Variants in WDR25 observed in about 807,000 individuals in gnomAD.
WDR25 encodes WD repeat-containing protein 25.
WDR25 carries 35 observed loss-of-function variants against 47.7 expected under a neutral mutation model. The observed-to-expected ratio is 0.73, with a 90% confidence interval of 0.56 to 0.97. The LOEUF is 0.97. Among genes scored for constraint, WDR25 ranks in the 50% least tolerant of loss-of-function variants. WDR25 has a pLI of 0.00. For synonymous variants in WDR25, 248 were observed against 278.9 expected (o/e 0.89, Z 1.10); for missense variants, 634 against 704.7 (o/e 0.90, Z 1.14).
At chr14:100,414,974 T>G (rs1595515896) in intron 2 of WDR25, among the ~76,000 whole-genome samples, 8 of 140,266 alleles carry the variant, frequency 5.7e-5, no homozygotes, top group African/African-American at 8.0e-5. Context: ...GGGGCTGGGG[T>G]GAGAGCAGGG....
chr14:100,447,423 G>A (rs113088443), intron 2 of WDR25, among the ~76,000 whole-genome samples: 2,019 of 152,350 alleles, frequency 0.013, 34 homozygotes, highest in African/African-American at 0.043. Context: ...AGGCGTGGGC[G>A]TGCCAGCCTT....
intron 2 of WDR25, among the ~76,000 whole-genome samples, chr14:100,406,432 G>A (rs781717966): frequency 3.9e-5 from 6 of 152,162 alleles, no homozygotes; most frequent in Non-Finnish European, 7.4e-5. Flanking sequence ...TCACTTTTAG[G>A]CATTTTATCT....
chr14:100,446,074 CT>C (rs1184780642), intron 2 of WDR25, among the ~76,000 whole-genome samples: 1 of 152,210 alleles, frequency 6.6e-6, no homozygotes, highest in African/African-American at 2.4e-5. Flanking sequence ...ATTATACCCC[CT>C]GACTGTTTCA....
At chr14:100,482,702 C>G (rs1216118921) in intron 3 of WDR25, among the ~76,000 whole-genome samples, 2 of 152,154 alleles carry the variant, frequency 1.3e-5, no homozygotes, top group Non-Finnish European at 2.9e-5. Context: ...GTGGGGGTCA[C>G]AGAACACAAA....
intron 3 of WDR25, among the ~76,000 whole-genome samples, chr14:100,480,460 A>G (rs1202447369): frequency 6.6e-6 from 1 of 152,122 alleles, no homozygotes; most frequent in Admixed American, 6.6e-5. Flanking sequence ...GGCCCCTAGA[A>G]GATACTAGAA....
intron 2 of WDR25, among the ~76,000 whole-genome samples, chr14:100,385,848 G>GCC (rs34610862): frequency 0.18 from 27,772 of 151,984 alleles, 2,680 homozygotes; most frequent in Non-Finnish European, 0.21. Context: ...AGACTTTGAT[G>GCC]CCTTTTTTTG....
In WDR25 at chr14:100,525,369, T is replaced by C. The variant is rs2030070031; in HGVS notation, c.1102-501T>C. On this transcript the variant is annotated intron_variant, in intron 4 of 6. Transcript: ENST00000402312. The surrounding 1 kb of genome is among the most constrained non-coding windows in gnomAD (Gnocchi z 4.6). The stretch of plus-strand genomic sequence containing the variant: ...AAACAATACAAAGTGTCGTTAAAGC[T>C]AAAATATGTCCTGTGATTCTGGCTT... Among the ~76,000 whole-genome samples, 1 of 152,238 alleles carries C rather than the reference T, an allele frequency of 6.6e-6. No homozygotes were observed. Among genetic ancestry groups the C allele is most frequent in the Admixed American group, 6.5e-5 (1 of 15,282 alleles).
At chr14:100,376,529 G>A (rs1896678368) in intron 1 of WDR25, 34 bp downstream of exon 1, 12 of 1,231,862 alleles carry the variant, frequency 9.7e-6, no homozygotes, top group East Asian at 6.3e-5. Context: ...CCGGGCTGGA[G>A]GGGCCGGGAC....
At chr14:100,481,696 C>T (rs1225101389) in intron 3 of WDR25, among the ~76,000 whole-genome samples, 1 of 151,922 alleles carries the variant, frequency 6.6e-6, no homozygotes. Flanking sequence ...AGAATTGTTT[C>T]CTAAAGAAAA....
intron 2 of WDR25, among the ~76,000 whole-genome samples, chr14:100,402,986 T>C (rs568787217): frequency 6.6e-6 from 1 of 152,246 alleles, no homozygotes; most frequent in East Asian, 1.9e-4. Flanking sequence ...ACAGCTGAGC[T>C]TCATTACGTT....
chr14:100,507,160 G>A (rs1265746814), intron 4 of WDR25, among the ~76,000 whole-genome samples: 1 of 152,180 alleles, frequency 6.6e-6, no homozygotes, highest in East Asian at 1.9e-4. Flanking sequence ...ATTGCAAAGG[G>A]AATCTTTTCC....
At chr14:100,413,764 T>C (rs1897784790) in intron 2 of WDR25, among the ~76,000 whole-genome samples, 1 of 152,158 alleles carries the variant, frequency 6.6e-6, no homozygotes, top group Non-Finnish European at 1.5e-5. Context: ...ACCAACCCAA[T>C]AGTTTTTCCT....
In WDR25 at chr14:100,525,014, C is replaced by T. The variant is rs1240278563; in HGVS notation, c.1102-856C>T. Among the ~76,000 whole-genome samples, 1 of 152,246 alleles carries T rather than the reference C, an allele frequency of 6.6e-6. No homozygotes were observed. Among genetic ancestry groups the T allele is most frequent in the Admixed American group, 6.5e-5 (1 of 15,292 alleles). ...CCCAGGGACTGAACTGTTTATGCTG[C>T]AGCCACATGGTGGCGGCCCAGGAAC... On this transcript the variant is annotated intron_variant, in intron 4 of 6. Coordinates refer to ENST00000402312, the MANE Select transcript of WDR25 (RefSeq NM_001161476.3). This position sits in a 1 kb window ranked among gnomAD's most constrained non-coding sequence, Gnocchi z 4.6.
rs1898133485 is a variant in WDR25, at chr14:100,425,206, CCTGG to C, written c.823-42814_823-42811del. 6.6e-6 allele frequency among the ~76,000 whole-genome samples: 1 copy of C among 152,208 alleles called. No homozygotes were observed. The highest frequency in any genetic ancestry group is 2.4e-5 in the African/African-American group (1 of 41,454). ...CAAGTTCCTCTTCCTTGATGTGGGT[CCTGG>C]GTCCTTGGAGGCTGGTTGTGTCAGC... On this transcript the variant is annotated intron_variant, in intron 2 of 6. Transcript: ENST00000402312. The surrounding 1 kb of genome is among the most constrained non-coding windows in gnomAD (Gnocchi z 4.8).
Position 100,410,781 on chromosome 14 carries a change from ATTT to A in WDR25, c.822+29052_822+29054del, listed in dbSNP as rs560217272. On this transcript the variant is annotated intron_variant, in intron 2 of 6. Coordinates refer to ENST00000402312, the MANE Select transcript of WDR25 (RefSeq NM_001161476.3). ...ACTTTTGGATGCGAAGTTTAAGCAG[ATTT>A]TTTTTTTTTTTTTTTTGATACAGAG... Among the ~76,000 whole-genome samples the A allele has an allele frequency of 2.5e-3, 347 of 139,108 alleles. 3 individuals carry two copies. The highest frequency in any genetic ancestry group is 8.5e-3 in the African/African-American group (322 of 38,090). The allele number at this position is 139,108 out of a possible 152,430, so 91.3% of individuals were successfully genotyped here.
rs891735569 is a variant in WDR25 at position 100,459,379 on chromosome 14, A to G, written c.823-8642A>G. Among the ~76,000 whole-genome samples, 4 of 152,314 alleles carry G rather than the reference A, an allele frequency of 2.6e-5. No individual in the cohort carries two copies. The South Asian group carries it at 6.2e-4, about 24-fold the overall frequency. ...GTTTATTTAAAAAATTGAATTCATGATTAAAAACCTTCCCACAAAGAAAAC... is the reference window on the plus strand; with the variant it reads ...GTTTATTTAAAAAATTGAATTCATGGTTAAAAACCTTCCCACAAAGAAAAC... On this transcript the variant is annotated intron_variant, in intron 2 of 6. Coordinates refer to ENST00000402312, the MANE Select transcript of WDR25 (RefSeq NM_001161476.3).
At chr14:100,518,264 G>A (rs1236838772) in intron 4 of WDR25, among the ~76,000 whole-genome samples, 1 of 152,064 alleles carries the variant, frequency 6.6e-6, no homozygotes, top group Non-Finnish European at 1.5e-5. Flanking sequence ...TAAAATTTTG[G>A]ATTGATGCTA....
chr14:100,469,175 C>T (rs1899745161), intron 3 of WDR25, among the ~76,000 whole-genome samples: 1 of 152,108 alleles, frequency 6.6e-6, no homozygotes, highest in Non-Finnish European at 1.5e-5. Context: ...GGCCCTGCCT[C>T]TCCTAGGGTC....
intron 3 of WDR25, among the ~76,000 whole-genome samples, chr14:100,471,877 GGTGCTCT>G (rs1384093368): frequency 6.6e-6 from 1 of 152,154 alleles, no homozygotes; most frequent in African/African-American, 2.4e-5. Context: ...AATTATTTTT[GGTGCTCT>G]TGTTTCAGTC....
Sources: gnomAD v4.1 joint callset for allele counts (sites outside exome capture counted in the v4.1 genomes callset) on GRCh38, gnomAD v4.1.1 for gene constraint, Gnocchi (gnomAD v3.1) non-coding constraint, MANE v1.5 for transcripts, NCBI Gene and HGNC (gene_info 2026-07-23, HGNC 2026-07-21) for gene names.